FSHR: variants seen among roughly 807,000 people sequenced by gnomAD.
FSHR encodes follicle stimulating hormone receptor, also known as follicle-stimulating hormone receptor.
In FSHR, 46 loss-of-function variants were observed where a neutral mutation model predicts 52.1. The observed-to-expected ratio is 0.88, with a 90% CI of 0.70 to 1.13. The LOEUF is 1.13. FSHR is among the 50% of genes most tolerant of loss of function. The pLI is 0.00. For missense variants in FSHR, 964 were observed against 834.6 expected (o/e 1.16, Z -1.91); for synonymous variants, 399 against 309.6 (o/e 1.29, Z -3.03).
At chr2:49,129,379 T>C (rs946172150) in intron 1 of FSHR, among the ~76,000 whole-genome samples, 25 of 152,352 alleles carry the variant, frequency 1.6e-4, no homozygotes, top group Non-Finnish European at 3.4e-4. Flanking sequence ...GACTTCCATG[T>C]GCTCAGAACT....
chr2:49,114,115 T>C (rs1671520192), intron 1 of FSHR, among the ~76,000 whole-genome samples: 1 of 152,114 alleles, frequency 6.6e-6, no homozygotes, highest in Admixed American at 6.5e-5. Flanking sequence ...TCCATCATCT[T>C]ACTCCCCTCC....
intron 2 of FSHR, among the ~76,000 whole-genome samples, chr2:49,058,904 T>G (rs1669174755): frequency 6.6e-6 from 1 of 152,168 alleles, no homozygotes; most frequent in African/African-American, 2.4e-5. Context: ...TTCAATGCAA[T>G]TACTATCAAA....
chr2:49,096,011 G>A (rs1363396375), intron 1 of FSHR, among the ~76,000 whole-genome samples: 2 of 152,154 alleles, frequency 1.3e-5, no homozygotes, highest in Non-Finnish European at 2.9e-5. Context: ...CTCTCACATT[G>A]GTAGTAGAAA....
intron 1 of FSHR, among the ~76,000 whole-genome samples, chr2:49,086,228 C>T (rs989409581): frequency 1.3e-5 from 2 of 152,122 alleles, no homozygotes; most frequent in Non-Finnish European, 2.9e-5. Flanking sequence ...TTTATTTCAG[C>T]CCATACTACA....
intron 4 of FSHR, 79 bp from the exon 5 acceptor site, chr2:48,990,716 T>C: frequency 1.1e-6 from 1 of 885,488 alleles, no homozygotes; most frequent in Non-Finnish European, 1.9e-6. Flanking sequence ...CTTTCCAGAA[T>C]AAAAATATCA....
chr2:49,116,127 G>T (rs574182097), intron 1 of FSHR, among the ~76,000 whole-genome samples: 1 of 152,282 alleles, frequency 6.6e-6, no homozygotes, highest in African/African-American at 2.4e-5. Context: ...GTAGAGCAGA[G>T]GGGTGAGGAA....
chr2:49,055,331 G>A (rs11125200), intron 2 of FSHR, among the ~76,000 whole-genome samples: 51,782 of 149,946 alleles, frequency 0.35, 9,551 homozygotes, highest in East Asian at 0.49. Flanking sequence ...AAAGAACACA[G>A]GCACAATAAA....
chr2:49,072,325 G>C (rs903916203), intron 1 of FSHR, among the ~76,000 whole-genome samples: 1 of 152,050 alleles, frequency 6.6e-6, no homozygotes, highest in Non-Finnish European at 1.5e-5. Flanking sequence ...TATTTGGATT[G>C]ACCTATAATG....
intron 1 of FSHR, among the ~76,000 whole-genome samples, chr2:49,126,896 T>C (rs1672019494): frequency 6.6e-6 from 1 of 152,192 alleles, no homozygotes; most frequent in South Asian, 2.1e-4. Context: ...CCATGCAATA[T>C]CTCTGCTTCC....
At chr2:49,124,972 C>T (rs1220113456) in intron 1 of FSHR, among the ~76,000 whole-genome samples, 1 of 152,182 alleles carries the variant, frequency 6.6e-6, no homozygotes, top group Admixed American at 6.5e-5. Flanking sequence ...ATTCCTGTCA[C>T]CTGTCACTAA....
chr2:48,998,850 A>G (rs774769864), intron 4 of FSHR, among the ~76,000 whole-genome samples: 1 of 152,086 alleles, frequency 6.6e-6, no homozygotes, highest in African/African-American at 2.4e-5. Flanking sequence ...ATTTTGTGCT[A>G]TGTGAAATGG....
intron 1 of FSHR, among the ~76,000 whole-genome samples, chr2:49,096,100 G>A (rs950798137): frequency 1.3e-5 from 2 of 152,090 alleles, no homozygotes; most frequent in African/African-American, 4.8e-5. Flanking sequence ...ATATAATCCA[G>A]AAATACTACT....
chr2:49,120,185 C>T (rs1258926240), intron 1 of FSHR, among the ~76,000 whole-genome samples: 3 of 152,110 alleles, frequency 2.0e-5, no homozygotes, highest in Admixed American at 6.5e-5. Flanking sequence ...GCAGGAGAAT[C>T]GCCGGGGCCA....
intron 2 of FSHR, among the ~76,000 whole-genome samples, chr2:49,067,829 C>T (rs1443191646): frequency 6.6e-6 from 1 of 151,960 alleles, no homozygotes; most frequent in Non-Finnish European, 1.5e-5. Flanking sequence ...TCTAGAGAAT[C>T]TCTACAGCAT....
In FSHR at chr2:49,020,133, C is replaced by T. The variant is rs1199824776; in HGVS notation, c.252G>A (p.Glu84=). Residue 84 remains glutamate (E), a synonymous_variant, in exon 3 of 10, where the codon GAG becomes GAA. Transcript: ENST00000406846. The stretch of plus-strand genomic sequence containing the variant: ...TGGAGAACACATCTGCCTCTATCAC[C>T]TCCAAGACATCATTCTGAGAGATCT... ...KIEISQNDVL[E]VIEADVFSNL... The T allele has an allele frequency of 1.2e-6, 2 of 1,613,478 alleles. No homozygotes were observed. Among genetic ancestry groups the T allele is most frequent in the Non-Finnish European group, 1.7e-6 (2 of 1,179,624 alleles).
chr2:49,076,208 T>C (rs1407554517), intron 1 of FSHR, among the ~76,000 whole-genome samples: 2 of 152,174 alleles, frequency 1.3e-5, no homozygotes, highest in Non-Finnish European at 2.9e-5. Flanking sequence ...ACACTGCTGA[T>C]AAAGACATAC....
chr2:48,973,834 T>C (rs1197495884), intron 8 of FSHR, among the ~76,000 whole-genome samples: 1 of 152,232 alleles, frequency 6.6e-6, no homozygotes, highest in Non-Finnish European at 1.5e-5. Context: ...TTCCAGAAAT[T>C]GCAGAATATT....
chr2:49,051,851 A>C (rs968503022), intron 2 of FSHR, among the ~76,000 whole-genome samples: 2 of 152,138 alleles, frequency 1.3e-5, no homozygotes, highest in Admixed American at 1.3e-4. Context: ...TATCCACTTA[A>C]AGTTAAATTT....
chr2:49,117,412 A>G (rs1208214834), intron 1 of FSHR, among the ~76,000 whole-genome samples: 1 of 152,216 alleles, frequency 6.6e-6, no homozygotes, highest in Non-Finnish European at 1.5e-5. Context: ...ATAATAGTGT[A>G]CTGATGAAAA....
Sources: allele counts gnomAD v4.1 joint callset (sites outside exome capture counted in the v4.1 genomes callset), GRCh38; gene constraint gnomAD v4.1.1; transcripts MANE v1.5; gene names NCBI Gene and HGNC (gene_info 2026-07-23, HGNC 2026-07-21).